NR5A2: variants seen among roughly 807,000 people sequenced by gnomAD.
NR5A2 encodes the protein nuclear receptor subfamily 5 group A member 2.
In NR5A2, 26 loss-of-function variants were observed where a neutral mutation model predicts 62.7. The ratio of observed to expected loss-of-function variants is 0.41; its 90% CI spans 0.30 to 0.58. The LOEUF is 0.58. NR5A2 is among the 20% of genes least tolerant of loss of function. The pLI is 0.22. For missense variants in NR5A2, 541 were observed against 669.1 expected (o/e 0.81, Z 2.11); for synonymous variants, 246 against 241.7 (o/e 1.02, Z -0.16).
intron 5 of NR5A2, among the ~76,000 whole-genome samples, chr1:200,049,606 G>A (rs1168880596): frequency 6.6e-6 from 1 of 152,164 alleles, no homozygotes; most frequent in East Asian, 1.9e-4. Context: ...GAATCTAAGA[G>A]GGGCTACCAA....
chr1:200,088,612 A>G (rs1664669869), intron 5 of NR5A2, among the ~76,000 whole-genome samples: 1 of 152,146 alleles, frequency 6.6e-6, no homozygotes, highest in Non-Finnish European at 1.5e-5. Context: ...ATCAGTCCAC[A>G]TGAATGTGCA....
chr1:200,103,053 T>C (rs1303855623), intron 5 of NR5A2, among the ~76,000 whole-genome samples: 1 of 151,824 alleles, frequency 6.6e-6, no homozygotes, highest in Non-Finnish European at 1.5e-5. Context: ...ATTGGTAAAA[T>C]GAGGATTATA....
intron 7 of NR5A2, among the ~76,000 whole-genome samples, chr1:200,168,952 T>C (rs1027931922): frequency 7.2e-5 from 11 of 152,206 alleles, no homozygotes; most frequent in African/African-American, 2.2e-4. Context: ...AGTTTATAGA[T>C]TGTCATCTCT....
At chr1:200,069,313 T>C (rs1026791767) in intron 5 of NR5A2, among the ~76,000 whole-genome samples, 2 of 151,948 alleles carry the variant, frequency 1.3e-5, no homozygotes, top group Non-Finnish European at 2.9e-5. Context: ...CAGGCTGGAG[T>C]GCAATGGCAT....
rs1036825531 is a variant in NR5A2 at position 200,039,267 on chromosome 1, C to T, written c.65-391C>T. Among the ~76,000 whole-genome samples, 3 of 152,110 alleles carry T rather than the reference C, an allele frequency of 2.0e-5. No homozygotes were observed. Among genetic ancestry groups the T allele is most frequent in the African/African-American group, 2.4e-5 (1 of 41,434 alleles). ...GCGGTGGAGGGAGGGGAAGGAGTCG[C>T]CCGAGCCGTCCGGGAGCAGTGGCAG... On this transcript the variant is annotated intron_variant, in intron 1 of 7. Coordinates refer to ENST00000367362, the MANE Select transcript of NR5A2 (RefSeq NM_205860.3). The surrounding 1 kb of genome is among the most constrained non-coding windows in gnomAD (Gnocchi z 5.1).
intron 7 of NR5A2, among the ~76,000 whole-genome samples, chr1:200,170,940 G>T (rs1445173270): frequency 6.6e-6 from 1 of 152,178 alleles, no homozygotes; most frequent in Non-Finnish European, 1.5e-5. Flanking sequence ...ATTCACAATT[G>T]TATCAATCTT....
chr1:200,062,885 A>G (rs568621701), intron 5 of NR5A2, among the ~76,000 whole-genome samples: 1 of 152,346 alleles, frequency 6.6e-6, no homozygotes, highest in African/African-American at 2.4e-5. Flanking sequence ...CTTTGGAGAA[A>G]AAAATTATGG....
At chr1:200,102,619 C>T (rs2102276024) in intron 5 of NR5A2, among the ~76,000 whole-genome samples, 1 of 152,342 alleles carries the variant, frequency 6.6e-6, no homozygotes, top group South Asian at 2.1e-4. Context: ...CCACCCCTAC[C>T]TCTGCTTTAC....
intron 7 of NR5A2, among the ~76,000 whole-genome samples, chr1:200,132,755 C>T (rs1667019523): frequency 6.6e-6 from 1 of 151,840 alleles, no homozygotes; most frequent in Admixed American, 6.6e-5. Flanking sequence ...GTGTCAACCA[C>T]TCTGTTCAAC....
At chr1:200,066,588 C>CTTT (rs756874909) in intron 5 of NR5A2, among the ~76,000 whole-genome samples, 8 of 113,154 alleles carry the variant, frequency 7.1e-5, no homozygotes, top group Non-Finnish European at 8.5e-5. Flanking sequence ...AATTAATTAT[C>CTTT]TTTTTTTTTT....
At chr1:200,104,962 C>CT (rs1469460054) in intron 5 of NR5A2, among the ~76,000 whole-genome samples, 2 of 151,674 alleles carry the variant, frequency 1.3e-5, no homozygotes, top group African/African-American at 2.4e-5. Context: ...CATGCCTGGC[C>CT]TTTTTTTACT....
chr1:200,171,394 T>C (rs548728323), intron 7 of NR5A2, among the ~76,000 whole-genome samples: 1 of 152,258 alleles, frequency 6.6e-6, no homozygotes, highest in South Asian at 2.1e-4. Flanking sequence ...AGAAGGAAAA[T>C]TGCACATATT....
At chr1:200,123,197 C>T (rs959363859) in intron 7 of NR5A2, among the ~76,000 whole-genome samples, 24 of 152,122 alleles carry the variant, frequency 1.6e-4, no homozygotes, top group Non-Finnish European at 3.4e-4. Flanking sequence ...AATGAAGATT[C>T]TGTGGACTAG....
chr1:200,052,620 A>G (rs953704118), intron 5 of NR5A2, among the ~76,000 whole-genome samples: 1 of 152,076 alleles, frequency 6.6e-6, no homozygotes, highest in Non-Finnish European at 1.5e-5. Flanking sequence ...CTAATTAGGC[A>G]ATTTTGAAAT....
chr1:200,097,570 T>C (rs1665158023), intron 5 of NR5A2, among the ~76,000 whole-genome samples: 1 of 152,262 alleles, frequency 6.6e-6, no homozygotes, highest in Non-Finnish European at 1.5e-5. Flanking sequence ...CAGATCTTGA[T>C]ATGCTATCTT....
At chr1:200,043,392 C>T (rs895478854) in intron 2 of NR5A2, among the ~76,000 whole-genome samples, 2 of 152,220 alleles carry the variant, frequency 1.3e-5, no homozygotes, top group Admixed American at 6.5e-5. Flanking sequence ...GTTTCTCTAC[C>T]TTAGGCGAAG....
intron 7 of NR5A2, among the ~76,000 whole-genome samples, chr1:200,163,276 AAAAAG>A (rs1335909075): frequency 6.6e-6 from 1 of 151,204 alleles, no homozygotes; most frequent in Admixed American, 6.6e-5. Flanking sequence ...AAAAAAAAAA[AAAAAG>A]AAGAAGAAAG....
intron 7 of NR5A2, among the ~76,000 whole-genome samples, chr1:200,150,040 T>C (rs1432498248): frequency 2.7e-5 from 4 of 149,716 alleles, no homozygotes; most frequent in African/African-American, 5.0e-5. Flanking sequence ...AAGCAGCATA[T>C]AATGGATGGA....
chr1:200,094,857 T>C (rs1665005486), intron 5 of NR5A2, among the ~76,000 whole-genome samples: 1 of 152,092 alleles, frequency 6.6e-6, no homozygotes, highest in East Asian at 1.9e-4. Context: ...TGTCAAAATA[T>C]GACTGTTCTT....
Sources: allele counts gnomAD v4.1 joint callset (sites outside exome capture counted in the v4.1 genomes callset), GRCh38; gene constraint gnomAD v4.1.1; non-coding constraint Gnocchi (gnomAD v3.1); transcripts MANE v1.5; gene names NCBI Gene and HGNC (gene_info 2026-07-23, HGNC 2026-07-21).